NWD1: variants seen among roughly 807,000 people sequenced by gnomAD.
NWD1 encodes NACHT domain- and WD repeat-containing protein 1.
A neutral mutation model predicts 135.1 loss-of-function variants in NWD1; 129 were observed. The ratio of observed to expected loss-of-function variants is 0.96; its 90% CI spans 0.83 to 1.11. NWD1 has a LOEUF of 1.11. Among genes scored for constraint, NWD1 ranks in the 50% least tolerant of loss-of-function variants. NWD1 has a pLI of 0.00. For missense variants in NWD1, 1,740 were observed against 1,851.3 expected (o/e 0.94, Z 1.10); for synonymous variants, 773 against 786.0 (o/e 0.98, Z 0.28).
At chr19:16,769,019 A>G (rs1969323472) in intron 10 of NWD1, among the ~76,000 whole-genome samples, 2 of 152,262 alleles carry the variant, frequency 1.3e-5, no homozygotes, top group East Asian at 3.9e-4. Flanking sequence ...TTTATTTTCC[A>G]TACAGCACTC....
Position 16,735,830 on chromosome 19 carries a change from GAA to G in NWD1, c.82-803_82-802del, listed in dbSNP as rs1312548550. ...GGAAGGAAGGAAGGAAGGAAGGAAAGAAGGAAGGAAGGAAGGAAGGAAGGAAG... is the reference window on the plus strand; with the variant it reads ...GGAAGGAAGGAAGGAAGGAAGGAAAGGGAAGGAAGGAAGGAAGGAAGGAAG... On this transcript the variant is annotated intron_variant, in intron 3 of 18. Transcript: ENST00000524140. 4.1e-4 allele frequency among the ~76,000 whole-genome samples: 21 copies of G among 50,920 alleles called. No homozygotes were observed. In the South Asian group the frequency reaches 0.01, roughly 25 times the overall value. 33.4% of individuals were successfully genotyped at this position (50,920 alleles called of 152,430 possible). A position where few individuals can be genotyped will look rare whatever the true frequency, so the allele number is the denominator to read the frequency against.
Position 16,807,616 on chromosome 19 carries a change from G to A in NWD1, c.3767G>A (p.Ser1256Asn), listed in dbSNP as rs533773529. 3 of 1,537,350 alleles carry A rather than the reference G, an allele frequency of 2.0e-6. No individual in the cohort carries two copies. The highest frequency in any genetic ancestry group is 2.5e-5 in the South Asian group (2 of 79,506). The change falls in exon 18 of 19, where the codon AGT (serine) becomes AAT (asparagine). Residue 1256 changes from serine (S) to asparagine (N), a missense_variant. Physicochemically the swap from Ser to Asn is conservative, Grantham distance 46. Transcript: ENST00000524140. Reference protein sequence around the residue: ...GEEQDSLDTSSEIRCLEVAEQ... With the variant: ...GEEQDSLDTSNEIRCLEVAEQ... ...GAACAAGATTCCCTGGACACCTCCA[G>A]TGAGATCAGGTGTCTGGAGGTTGCT...
chr19:16,785,918 G>A (rs1970025252), intron 12 of NWD1, among the ~76,000 whole-genome samples: 1 of 151,774 alleles, frequency 6.6e-6, no homozygotes, highest in South Asian at 2.1e-4. Context: ...AGGCTGGAGT[G>A]CAATGACATG....
At chr19:16,738,911 T>C (rs1967968562) in intron 4 of NWD1, among the ~76,000 whole-genome samples, 1 of 128,746 alleles carries the variant, frequency 7.8e-6, no homozygotes, top group Non-Finnish European at 1.6e-5. Flanking sequence ...TCACTCCTTT[T>C]TCTTTGAGAC....
chr19:16,745,739 AAAAAACAAAAAC>A lies in NWD1; in HGVS notation c.496+1038_496+1049del, dbSNP rs958096523. The stretch of plus-strand genomic sequence containing the variant: ...GGGGTTACAGAGAGAGACCTGTCTC[AAAAAACAAAAAC>A]AAAAACAAAAACAAAATTAGCTAGG... On this transcript the variant is annotated intron_variant, in intron 5 of 18. Coordinates refer to ENST00000524140, the MANE Select transcript of NWD1 (RefSeq NM_001007525.5). Among the ~76,000 whole-genome samples the A allele has an allele frequency of 1.0e-4, 15 of 150,660 alleles. No homozygotes were observed. The East Asian group carries it at 2.7e-3, about 27-fold the overall frequency.
chr19:16,780,722 A>G (rs958746089), intron 12 of NWD1, among the ~76,000 whole-genome samples: 3 of 151,800 alleles, frequency 2.0e-5, no homozygotes, highest in South Asian at 2.1e-4. Flanking sequence ...CAGTGGCACA[A>G]TCTCAGCTCA....
chr19:16,720,466 G>A (rs1009625462), intron 1 of NWD1, among the ~76,000 whole-genome samples, 173 bp downstream of exon 1: 1 of 152,164 alleles, frequency 6.6e-6, no homozygotes, highest in Non-Finnish European at 1.5e-5. Flanking sequence ...GACGTGCAAA[G>A]GCCCTGAGGT....
Position 16,762,035 on chromosome 19 carries a change from G to A in NWD1, c.2030G>A (p.Arg677Lys). 2.5e-6 allele frequency: 4 copies of A among 1,613,958 alleles called. No individual in the cohort carries two copies. Among genetic ancestry groups the A allele is most frequent in the Non-Finnish European group, 3.4e-6 (4 of 1,179,838 alleles). ...CTGTCAGGATCCGAGAGAGCCAAGA[G>A]GCATGGCGTCCTGGCCGACTTCTTC... ...RYLSGSERAK[R>K]HGVLADFFSG... Residue 677 changes from arginine (R) to lysine (K), a missense_variant, in exon 8 of 19, where the codon AGG (arginine) becomes AAG (lysine). Coordinates refer to ENST00000524140, the MANE Select transcript of NWD1 (RefSeq NM_001007525.5).
intron 12 of NWD1, among the ~76,000 whole-genome samples, chr19:16,783,696 A>G (rs1050768928): frequency 4.7e-5 from 7 of 150,304 alleles, no homozygotes; most frequent in Non-Finnish European, 7.4e-5. Flanking sequence ...AAAATAAAAA[A>G]TAAATAAAAA....
chr19:16,797,998 A>G, intron 16 of NWD1, 112 bp downstream of exon 16: 2 of 958,204 alleles, frequency 2.1e-6, no homozygotes, highest in Non-Finnish European at 3.2e-6. Flanking sequence ...GAGTGCAGGC[A>G]AAATAGGTGA....
At position 16,720,444 on chromosome 19, in the gene NWD1, A is replaced by C. The variant is rs75466454; in HGVS notation, c.-105+151A>C. Among the ~76,000 whole-genome samples, 1,381 of 152,326 alleles carry C rather than the reference A, an allele frequency of 9.1e-3. 35 individuals carry two copies. Among genetic ancestry groups the C allele is most frequent in the African/African-American group, 0.031 (1,283 of 41,584 alleles). ...AACATGAACAGATGCAGCATAGAGC[A>C]CTAAAGTACAGGACGTGCAAAGGCC... On this transcript the variant is annotated intron_variant, in intron 1 of 18. Coordinates refer to ENST00000524140, the MANE Select transcript of NWD1 (RefSeq NM_001007525.5).
In NWD1 at chr19:16,800,055, C is replaced by G. The variant is rs1474450017; in HGVS notation, c.3629C>G (p.Pro1210Arg). The G allele has an allele frequency of 1.2e-6, 2 of 1,614,216 alleles. No individual in the cohort carries two copies. The highest frequency in any genetic ancestry group is 1.7e-6 in the Non-Finnish European group (2 of 1,180,026). The change falls in exon 17 of 19, where the codon CCA (proline) becomes CGA (arginine). Residue 1210 changes from proline to arginine, a missense_variant. Physicochemically the swap from Pro to Arg is moderately radical, Grantham distance 103 (BLOSUM62 -2). Coordinates refer to ENST00000524140, the MANE Select transcript of NWD1 (RefSeq NM_001007525.5). ...SDAHRSRVPA[P>R]FLDRTGLTAV... ...GCTCATAGGTCCCGGGTGCCTGCAC[C>G]ATTTCTGGACCGCACCGGCCTCACC...
chr19:16,774,216 T>C (rs1369409888), intron 11 of NWD1, among the ~76,000 whole-genome samples: 1 of 147,054 alleles, frequency 6.8e-6, no homozygotes, highest in Non-Finnish European at 1.5e-5. Flanking sequence ...CATCCATCTA[T>C]CCATCCATTC....
Position 16,789,028 on chromosome 19 carries a change from C to T in NWD1, c.2778C>T (p.Asn926=). Residue 926 remains asparagine, a synonymous_variant, in exon 13 of 19, where the codon AAC becomes AAT. Coordinates refer to ENST00000524140, the MANE Select transcript of NWD1 (RefSeq NM_001007525.5). ...VKIFAKGTLA[N]SASKDYTLHL... ...TATTTGCCAAAGGGACCCTCGCCAA[C>T]TCTGCTTCAAAGGATTACACGCTGC... The T allele has an allele frequency of 6.2e-7, 1 of 1,612,772 alleles. No individual in the cohort carries two copies. Among genetic ancestry groups the T allele is most frequent in the Non-Finnish European group, 8.5e-7 (1 of 1,179,778 alleles).
rs1480751013 is a variant in NWD1, at chr19:16,783,075, A to G, written c.2731+3610A>G. ...TTTTCAGGATCTCACTCTGTCATCC[A>G]TGCTGGAGCACAATGGTGCAATCAT... On this transcript the variant is annotated intron_variant, in intron 12 of 18. Coordinates refer to ENST00000524140, the MANE Select transcript of NWD1 (RefSeq NM_001007525.5). Among the ~76,000 whole-genome samples, 6 of 140,906 alleles carry G rather than the reference A, an allele frequency of 4.3e-5. No homozygotes were observed. The South Asian group carries it at 6.5e-4, about 15-fold the overall frequency. The allele number at this position is 140,906 out of a possible 152,430, so 92.4% of individuals were successfully genotyped here.
intron 12 of NWD1, among the ~76,000 whole-genome samples, chr19:16,786,426 A>T (rs1970043246): frequency 6.6e-6 from 1 of 152,072 alleles, no homozygotes; most frequent in African/African-American, 2.4e-5. Context: ...TTGGGGTACG[A>T]ATGATCCCAT....
At chr19:16,754,003 A>T (rs1340554150) in intron 6 of NWD1, among the ~76,000 whole-genome samples, 1 of 141,092 alleles carries the variant, frequency 7.1e-6, no homozygotes, top group Non-Finnish European at 1.5e-5. Context: ...TCTTCCTTTT[A>T]TCCATCATCT....
chr19:16,812,667 C>T, intron 18 of NWD1: 1 of 769,794 alleles, frequency 1.3e-6, no homozygotes, highest in South Asian at 1.4e-5. Flanking sequence ...GAAACTCCAT[C>T]TCAAAAACAA....
intron 1 of NWD1, among the ~76,000 whole-genome samples, chr19:16,722,857 C>T (rs757482769): frequency 3.3e-5 from 5 of 152,006 alleles, no homozygotes; most frequent in South Asian, 2.1e-4. Context: ...ATCATGTCTA[C>T]GTGACCAACT....
Sources: gnomAD v4.1 joint callset for allele counts (sites outside exome capture counted in the v4.1 genomes callset) on GRCh38, gnomAD v4.1.1 for gene constraint, MANE v1.5 for transcripts, NCBI Gene and HGNC (gene_info 2026-07-23, HGNC 2026-07-21) for gene names.